The following NUDCD3 variants were observed in gnomAD, a reference collection of about 807,000 sequenced individuals.
NUDCD3 encodes the protein nudC domain-containing protein 3.
In NUDCD3, 13 loss-of-function variants were observed where a neutral mutation model predicts 39.7. The observed-to-expected ratio is 0.33, with a 90% CI of 0.21 to 0.52. NUDCD3 has a LOEUF of 0.52. Ranked by LOEUF, NUDCD3 falls within the 20% of genes least tolerant of loss-of-function variation. The probability of loss-of-function intolerance (pLI) is 0.96; values close to 1 mark genes in which losing one functional copy is unlikely to be tolerated. For missense variants in NUDCD3, 453 were observed against 458.1 expected (o/e 0.99, Z 0.10); for synonymous variants, 175 against 172.4 (o/e 1.02, Z -0.12).
chr7:44,484,542 T>C (rs1258813562), intron 2 of NUDCD3: 1 of 161,468 alleles, frequency 6.2e-6, no homozygotes, highest in Non-Finnish European at 1.4e-5. Flanking sequence ...ATAGCGAGGA[T>C]GTGAATCCAG....
intron 1 of NUDCD3, among the ~76,000 whole-genome samples, chr7:44,485,963 C>T (rs1371520770): frequency 6.6e-6 from 1 of 152,226 alleles, no homozygotes; most frequent in African/African-American, 2.4e-5. Flanking sequence ...CATGAAAACT[C>T]TGATACAAGA....
intron 1 of NUDCD3, among the ~76,000 whole-genome samples, chr7:44,486,158 G>A (rs1800605848): frequency 2.6e-5 from 4 of 152,232 alleles, no homozygotes; most frequent in African/African-American, 7.2e-5. Flanking sequence ...GCTTGTCAAG[G>A]AAGGGCAAAA....
intron 2 of NUDCD3, chr7:44,484,300 A>C (rs934660390): frequency 6.6e-6 from 1 of 152,292 alleles, no homozygotes; most frequent in East Asian, 1.9e-4. Flanking sequence ...CCCACAAAAC[A>C]TAACTCCTAA....
At chr7:44,395,368 C>T (rs1268549275) in intron 4 of NUDCD3, among the ~76,000 whole-genome samples, 1 of 152,102 alleles carries the variant, frequency 6.6e-6, no homozygotes, top group African/African-American at 2.4e-5. Context: ...AGATGTGAGC[C>T]GACTTTATAT....
At chr7:44,421,841 C>G (rs1799147483) in intron 3 of NUDCD3, among the ~76,000 whole-genome samples, 2 of 152,166 alleles carry the variant, frequency 1.3e-5, no homozygotes, top group South Asian at 2.1e-4. Flanking sequence ...ATACATTCTT[C>G]TCAGCACCAC....
intron 2 of NUDCD3, among the ~76,000 whole-genome samples, chr7:44,451,796 T>C (rs949448678): frequency 2.0e-5 from 3 of 152,010 alleles, no homozygotes; most frequent in African/African-American, 7.2e-5. Context: ...CAAAATGGAC[T>C]AAGTTGAAAA....
chr7:44,386,578 G>GA (rs1563161668), intron 5 of NUDCD3, among the ~76,000 whole-genome samples: 1 of 152,234 alleles, frequency 6.6e-6, no homozygotes, highest in Admixed American at 6.5e-5. Context: ...AAGGTGTGCA[G>GA]AGGAGATACC....
chr7:44,407,202 C>T (rs62459133), intron 3 of NUDCD3, among the ~76,000 whole-genome samples: 7,652 of 150,672 alleles, frequency 0.051, 257 homozygotes, highest in Middle Eastern at 0.13. Context: ...AGGTTTCAGA[C>T]ACACAGTAGA....
At chr7:44,423,693 A>G (rs1799183287) in intron 3 of NUDCD3, among the ~76,000 whole-genome samples, 1 of 152,218 alleles carries the variant, frequency 6.6e-6, no homozygotes, top group African/African-American at 2.4e-5. Flanking sequence ...GGAAGAATCA[A>G]TATTGTGAAA....
chr7:44,472,010 C>T (rs907605211), intron 2 of NUDCD3: 1 of 152,158 alleles, frequency 6.6e-6, no homozygotes, highest in Non-Finnish European at 1.5e-5. Flanking sequence ...ACTCCAGACT[C>T]GTGTGTCTAT....
intron 3 of NUDCD3, among the ~76,000 whole-genome samples, chr7:44,426,881 T>C (rs1799246987): frequency 6.6e-6 from 1 of 151,892 alleles, no homozygotes. Context: ...ATCCCTCCTG[T>C]GCAGCCATGT....
At chr7:44,467,040 C>A (rs1585098568) in intron 2 of NUDCD3, among the ~76,000 whole-genome samples, 1 of 152,248 alleles carries the variant, frequency 6.6e-6, no homozygotes, top group East Asian at 1.9e-4. Flanking sequence ...TGACTGGTTT[C>A]TTTCCCCACA....
intron 3 of NUDCD3, among the ~76,000 whole-genome samples, chr7:44,408,956 TA>T (rs1194746575): frequency 6.6e-6 from 1 of 152,260 alleles, no homozygotes; most frequent in African/African-American, 2.4e-5. Flanking sequence ...TGTTTCTGGC[TA>T]AACTCAGAAA....
Position 44,382,586 on chromosome 7 carries a change from G to A in NUDCD3, c.*3425C>T, listed in dbSNP as rs1455995441. On this transcript the variant is annotated 3_prime_UTR_variant, in exon 6 of 6. Coordinates refer to ENST00000355451, the MANE Select transcript of NUDCD3 (RefSeq NM_015332.4). The stretch of plus-strand genomic sequence containing the variant: ...CCAGACCCCACAGTCAGACGGTAGA[G>A]AGGAGCCTCAGGGACATAGCCCAGT... The A allele has an allele frequency of 6.6e-6, 1 of 152,318 alleles. No homozygotes were observed. The highest frequency in any genetic ancestry group is 3.2e-3 in the Middle Eastern group (1 of 316). The allele number at this position is 152,318 out of a possible 1,614,324, so 9.4% of individuals were successfully genotyped here.
Position 44,380,493 on chromosome 7 carries a change from T to G in NUDCD3, c.*5518A>C, listed in dbSNP as rs1798287548. 1 of 152,280 alleles carries G rather than the reference T, an allele frequency of 6.6e-6. No individual in the cohort carries two copies. The highest frequency in any genetic ancestry group is 1.5e-5 in the Non-Finnish European group (1 of 68,086). The allele number at this position is 152,280 out of a possible 1,614,324, so 9.4% of individuals were successfully genotyped here. On this transcript the variant is annotated 3_prime_UTR_variant, in exon 6 of 6. Coordinates refer to ENST00000355451, the MANE Select transcript of NUDCD3 (RefSeq NM_015332.4). ...CCCACCTTAAGGCTTAGCTCCAGTCTGTAGCCCATTCCCTGACAGGTACCT... is the reference window on the plus strand; with the variant it reads ...CCCACCTTAAGGCTTAGCTCCAGTCGGTAGCCCATTCCCTGACAGGTACCT...
At chr7:44,406,334 T>C (rs1798820553) in intron 3 of NUDCD3, among the ~76,000 whole-genome samples, 1 of 152,228 alleles carries the variant, frequency 6.6e-6, no homozygotes, top group Admixed American at 6.5e-5. Flanking sequence ...CTAGTCCTAT[T>C]GAACAATAGG....
intron 2 of NUDCD3, chr7:44,468,032 C>G (rs61734962): frequency 1.2e-6 from 2 of 1,612,610 alleles, no homozygotes; most frequent in African/African-American, 2.7e-5. Flanking sequence ...CAACAGGGTT[C>G]GTAGAAGATT....
intron 5 of NUDCD3, among the ~76,000 whole-genome samples, chr7:44,390,692 A>G (rs915745918): frequency 4.6e-5 from 7 of 152,228 alleles, no homozygotes; most frequent in African/African-American, 1.4e-4. Flanking sequence ...TGTGGACCCA[A>G]TGCTGAATAT....
intron 4 of NUDCD3, among the ~76,000 whole-genome samples, chr7:44,400,456 G>A (rs12530768): frequency 1.3e-5 from 2 of 152,232 alleles, no homozygotes. Flanking sequence ...AAGGAGCTGA[G>A]GGTGGTGGCA....
Sources: allele counts gnomAD v4.1 joint callset (sites outside exome capture counted in the v4.1 genomes callset), GRCh38; gene constraint gnomAD v4.1.1; transcripts MANE v1.5; gene names NCBI Gene and HGNC (gene_info 2026-07-23, HGNC 2026-07-21).